Variants in FRMD4A observed in about 807,000 individuals in gnomAD.
FRMD4A encodes the protein FERM domain-containing protein 4A.
FRMD4A carries 29 observed loss-of-function variants against 129.1 expected under a neutral mutation model. The observed-to-expected ratio is 0.22, with a 90% CI of 0.17 to 0.31. The LOEUF (loss-of-function observed/expected upper bound fraction) is 0.31. Ranked by LOEUF, FRMD4A falls within the 10% of genes least tolerant of loss-of-function variation. FRMD4A has a pLI of 1.00. For missense variants in FRMD4A, 1,272 were observed against 1,375.8 expected, an observed-to-expected ratio of 0.92 and a Z score of 1.19; for synonymous variants, 634 against 571.6, an observed-to-expected ratio of 1.11 and a Z score of -1.56.
chr10:13,876,255 C>A (rs2131102951), intron 2 of FRMD4A, among the ~76,000 whole-genome samples: 2 of 152,312 alleles, frequency 1.3e-5, no homozygotes, highest in South Asian at 4.1e-4. Context: ...AAAATATATT[C>A]ATTCTGATAG....
At chr10:13,721,416 A>C (rs540821860) in intron 12 of FRMD4A, among the ~76,000 whole-genome samples, 25 of 152,168 alleles carry the variant, frequency 1.6e-4, no homozygotes, top group Non-Finnish European at 1.3e-4. Context: ...CAGGAGGCAG[A>C]GGTTGCAGTG....
At chr10:13,958,007 G>A (rs1193070611) in intron 2 of FRMD4A, among the ~76,000 whole-genome samples, 3 of 151,936 alleles carry the variant, frequency 2.0e-5, no homozygotes, top group African/African-American at 7.3e-5. Context: ...CCTAGATCCT[G>A]CTCTCGGCAC....
At chr10:14,109,736 C>T (rs781438359) in intron 2 of FRMD4A, among the ~76,000 whole-genome samples, 3 of 152,074 alleles carry the variant, frequency 2.0e-5, no homozygotes, top group East Asian at 1.9e-4. Flanking sequence ...CTTTGGGAGG[C>T]TGAGGTGGGC....
At chr10:14,066,516 G>GTGTGTA in intron 2 of FRMD4A, among the ~76,000 whole-genome samples, 1 of 152,278 alleles carries the variant, frequency 6.6e-6, no homozygotes, top group East Asian at 1.9e-4. Context: ...GTATGTGTGT[G>GTGTGTA]TGTGTATGTG....
chr10:13,888,851 G>A lies in FRMD4A; in HGVS notation c.46-29939C>T, dbSNP rs1052980722. On this transcript the variant is annotated intron_variant, in intron 2 of 24. Transcript: ENST00000357447. ...TGTTAGCATGTCTATTTCTCATTTT[G>A]ACATATTGAACTAGGAATTCTTCAA... Among the ~76,000 whole-genome samples, 10 of 152,140 alleles carry A rather than the reference G, an allele frequency of 6.6e-5. No homozygotes were observed. In the East Asian group the frequency reaches 9.6e-4, roughly 15 times the overall value.
chr10:14,239,487 C>T (rs1843955096), intron 2 of FRMD4A, among the ~76,000 whole-genome samples: 6 of 152,018 alleles, frequency 3.9e-5, no homozygotes, highest in South Asian at 2.1e-4. Context: ...ATTAGCTGGG[C>T]GTGGTGGTGG....
chr10:14,052,070 A>G (rs1834286977), intron 2 of FRMD4A, among the ~76,000 whole-genome samples: 1 of 152,162 alleles, frequency 6.6e-6, no homozygotes, highest in Non-Finnish European at 1.5e-5. Flanking sequence ...AGAGAAGAAC[A>G]CCATGGGCCA....
chr10:13,752,450 G>A (rs1379316097), intron 8 of FRMD4A, among the ~76,000 whole-genome samples: 1 of 152,164 alleles, frequency 6.6e-6, no homozygotes, highest in African/African-American at 2.4e-5. Flanking sequence ...AAAAAACCTG[G>A]AAATAACTTT....
intron 13 of FRMD4A, among the ~76,000 whole-genome samples, chr10:13,702,540 ATGTG>A (rs398012859): frequency 0.058 from 6,261 of 107,732 alleles, 323 homozygotes; most frequent in African/African-American, 0.13. Flanking sequence ...GTGTGTTTGC[ATGTG>A]TGTGTGTGTG....
intron 4 of FRMD4A, among the ~76,000 whole-genome samples, chr10:13,807,769 C>A (rs954777438): frequency 1.3e-5 from 2 of 151,460 alleles, no homozygotes; most frequent in Admixed American, 1.3e-4. Context: ...AATATATGAC[C>A]TAGAGTCACA....
At chr10:13,663,966 T>A (rs11258507) in intron 18 of FRMD4A, among the ~76,000 whole-genome samples, 7,547 of 152,246 alleles carry the variant, frequency 0.05, 242 homozygotes, top group African/African-American at 0.086. Flanking sequence ...TCAATAAACT[T>A]TGTAAGTCAT....
chr10:14,329,260 A>G (rs1245689476), intron 2 of FRMD4A, among the ~76,000 whole-genome samples: 2 of 152,304 alleles, frequency 1.3e-5, no homozygotes, highest in East Asian at 1.9e-4. Flanking sequence ...ACTTCCGACA[A>G]CAGCCAGTAT....
intron 2 of FRMD4A, among the ~76,000 whole-genome samples, chr10:13,934,635 G>C (rs1221064459): frequency 6.6e-6 from 1 of 152,118 alleles, no homozygotes; most frequent in African/African-American, 2.4e-5. Context: ...CAGTAAAAAT[G>C]GCTGGTCCTT....
At chr10:13,990,947 G>A (rs528194111) in intron 2 of FRMD4A, among the ~76,000 whole-genome samples, 7 of 152,286 alleles carry the variant, frequency 4.6e-5, no homozygotes, top group African/African-American at 1.2e-4. Flanking sequence ...CCAAGGTATG[G>A]AGTGGGGGAC....
intron 3 of FRMD4A, among the ~76,000 whole-genome samples, chr10:13,838,411 A>G (rs2093910385): frequency 6.7e-6 from 1 of 149,182 alleles, no homozygotes; most frequent in South Asian, 2.1e-4. Context: ...GCCATTTATG[A>G]TCTCCTTTTG....
chr10:14,132,613 A>G (rs1177908334), intron 2 of FRMD4A, among the ~76,000 whole-genome samples: 1 of 152,224 alleles, frequency 6.6e-6, no homozygotes, highest in Non-Finnish European at 1.5e-5. Context: ...GTAGATCTGG[A>G]GTATTCCCCA....
chr10:13,884,224 A>ACTCT (rs2094591444), intron 2 of FRMD4A, among the ~76,000 whole-genome samples: 2 of 150,048 alleles, frequency 1.3e-5, no homozygotes, highest in African/African-American at 2.5e-5. Context: ...ACACACACAC[A>ACTCT]CACACACACA....
intron 15 of FRMD4A, among the ~76,000 whole-genome samples, chr10:13,680,657 C>A (rs757143958): frequency 1.3e-5 from 2 of 151,886 alleles, no homozygotes; most frequent in African/African-American, 4.8e-5. Flanking sequence ...ACCTCGGAGG[C>A]GGAGGTTGCG....
At chr10:14,155,132 A>G (rs1840531142) in intron 2 of FRMD4A, among the ~76,000 whole-genome samples, 2 of 152,104 alleles carry the variant, frequency 1.3e-5, no homozygotes, top group African/African-American at 4.8e-5. Flanking sequence ...CTACAAACAT[A>G]TTTTTTAAAA....
Sources: gnomAD v4.1 joint callset for allele counts (sites outside exome capture counted in the v4.1 genomes callset) on GRCh38, gnomAD v4.1.1 for gene constraint, MANE v1.5 for transcripts, NCBI Gene and HGNC (gene_info 2026-07-23, HGNC 2026-07-21) for gene names.